The following SFMBT2 variants were observed in gnomAD, a reference collection of about 807,000 sequenced individuals.
The protein encoded by SFMBT2 is scm-like with four MBT domains protein 2.
In SFMBT2, 38 loss-of-function variants were observed where a neutral mutation model predicts 110.1. The observed-to-expected ratio is 0.35, with a 90% CI of 0.27 to 0.45. The LOEUF (loss-of-function observed/expected upper bound fraction) is 0.45. SFMBT2 is among the 20% of genes least tolerant of loss of function. The probability of loss-of-function intolerance (pLI) is 1.00; values close to 1 mark genes in which losing one functional copy is unlikely to be tolerated. For synonymous variants in SFMBT2, 425 were observed against 425.4 expected (o/e 1.00, Z 0.01); for missense variants, 1,011 against 1,094.9 (o/e 0.92, Z 1.08).
Position 7,370,366 on chromosome 10 carries a change from G to A in SFMBT2, c.110C>T (p.Ser37Leu). 1 of 1,614,014 alleles carries A rather than the reference G, an allele frequency of 6.2e-7. No homozygotes were observed. The change falls in exon 3 of 21, where the codon TCA becomes TTA. Residue 37 changes from serine to leucine, a missense_variant. Ser to Leu is a moderately radical substitution (Grantham distance 145). Transcript: ENST00000397167. Reference sequence around the variant, plus strand: ...GTTAAAGCCAGTTTCCTCCAAGCTTGAGCCTTCTTCTGTTGAAAAACAAAA... The same window carrying A: ...GTTAAAGCCAGTTTCCTCCAAGCTTAAGCCTTCTTCTGTTGAAAAACAAAA... ...GNGDLDSEEG[S>L]SLEETGFNWG...
intron 1 of SFMBT2, among the ~76,000 whole-genome samples, chr10:7,389,056 A>G (rs970342211): frequency 2.0e-5 from 3 of 152,210 alleles, no homozygotes; most frequent in African/African-American, 7.2e-5. Flanking sequence ...TATGTTAACA[A>G]AATGCAATCT....
intron 4 of SFMBT2, chr10:7,286,424 T>G (rs1475812188): frequency 2.1e-6 from 2 of 961,794 alleles, no homozygotes; most frequent in East Asian, 2.3e-4. Context: ...AGGGGTGGAC[T>G]GAAGGTGAAA....
At chr10:7,309,022 T>C (rs760188438) in intron 4 of SFMBT2, among the ~76,000 whole-genome samples, 1 of 152,216 alleles carries the variant, frequency 6.6e-6, no homozygotes, top group East Asian at 1.9e-4. Context: ...ATGTGTCAAC[T>C]TGACTGGACC....
At chr10:7,237,174 T>C (rs973497967) in intron 9 of SFMBT2, among the ~76,000 whole-genome samples, 1 of 152,226 alleles carries the variant, frequency 6.6e-6, no homozygotes, top group African/African-American at 2.4e-5. Context: ...ATTCCAGCAA[T>C]TCCACATTTA....
At chr10:7,349,404 T>C (rs1259868269) in intron 4 of SFMBT2, among the ~76,000 whole-genome samples, 4 of 145,596 alleles carry the variant, frequency 2.7e-5, no homozygotes, top group Middle Eastern at 3.3e-3. Flanking sequence ...TTGGATCCTC[T>C]CACTTTCAAG....
intron 7 of SFMBT2, among the ~76,000 whole-genome samples, chr10:7,260,796 G>A (rs907362845): frequency 2.6e-5 from 4 of 152,016 alleles, no homozygotes; most frequent in East Asian, 1.9e-4. Context: ...GAGAGCCCTC[G>A]TCAAAAGCAA....
At chr10:7,195,825 T>C (rs1838749447) in intron 15 of SFMBT2, among the ~76,000 whole-genome samples, 1 of 152,154 alleles carries the variant, frequency 6.6e-6, no homozygotes. Context: ...TCTATTTACA[T>C]ACTCATCTTT....
Position 7,172,593 on chromosome 10 carries a change from G to T in SFMBT2, c.2053C>A (p.His685Asn), listed in dbSNP as rs1564365787. 1.2e-6 allele frequency: 2 copies of T among 1,614,238 alleles called. No homozygotes were observed. The highest frequency in any genetic ancestry group is 1.1e-5 in the South Asian group (1 of 91,088). ...TTCCTCCGCCTGGCGGGTTTGGGGTGTCCGCTGTCGGGGTTGCTTTCCCCG... is the reference window on the plus strand; with the variant it reads ...TTCCTCCGCCTGGCGGGTTTGGGGTTTCCGCTGTCGGGGTTGCTTTCCCCG... The part of the protein sequence containing the change: ...PIGESNPDSG[H>N]PKPARRRKRR... The change falls in exon 18 of 21, where the codon CAC (histidine) becomes AAC (asparagine). Residue 685 changes from histidine to asparagine, a missense_variant. Coordinates refer to ENST00000397167, the MANE Select transcript of SFMBT2 (RefSeq NM_001387889.1). This position sits in a 1 kb window ranked among gnomAD's most constrained non-coding sequence, Gnocchi z 4.6.
At position 7,172,816 on chromosome 10, in the gene SFMBT2, A is replaced by G. The variant is rs562650753; in HGVS notation, c.1985-155T>C. Among the ~76,000 whole-genome samples the G allele has an allele frequency of 6.6e-6, 1 of 152,346 alleles. No individual in the cohort carries two copies. Among genetic ancestry groups the G allele is most frequent in the Admixed American group, 6.5e-5 (1 of 15,310 alleles). On this transcript the variant is annotated intron_variant, in intron 17 of 20. Coordinates refer to ENST00000397167, the MANE Select transcript of SFMBT2 (RefSeq NM_001387889.1). The surrounding 1 kb of genome is among the most constrained non-coding windows in gnomAD (Gnocchi z 4.6). ...GAGAAAACAGACCCACAGGAGAAGC[A>G]CTGCTCCAAAGCTTCAGGTCTGGAA...
intron 12 of SFMBT2, chr10:7,205,604 T>C: frequency 3.0e-6 from 3 of 985,460 alleles, no homozygotes; most frequent in South Asian, 9.4e-5. Flanking sequence ...GACTTTCAAC[T>C]GTCCCTCACT....
At chr10:7,272,920 GT>G (rs1212774249) in intron 7 of SFMBT2, among the ~76,000 whole-genome samples, 1 of 152,232 alleles carries the variant, frequency 6.6e-6, no homozygotes, top group Non-Finnish European at 1.5e-5. Context: ...AGCCTCCTGA[GT>G]AGCTGGGATT....
intron 7 of SFMBT2, among the ~76,000 whole-genome samples, chr10:7,257,591 C>A (rs1841067233): frequency 6.6e-6 from 1 of 152,164 alleles, no homozygotes. Flanking sequence ...GAGAGTATTA[C>A]TAACAGAGAG....
chr10:7,197,565 CG>C lies in SFMBT2; in HGVS notation c.1680del (p.Cys560TrpfsTer11). The C allele has an allele frequency of 6.2e-7, 1 of 1,614,150 alleles. No homozygotes were observed. The highest frequency in any genetic ancestry group is 2.2e-5 in the East Asian group (1 of 44,886). On this transcript the variant is annotated frameshift_variant, in exon 15 of 21. Coordinates refer to ENST00000397167, the MANE Select transcript of SFMBT2 (RefSeq NM_001387889.1). LOFTEE classifies it high-confidence loss of function. ...ELPQSVGPGK[C>X]VLVLKEVLSM... The stretch of plus-strand genomic sequence containing the variant: ...GGCTTTACCTCTTTAAGAACCAGCA[CG>C]CATTTGCCCGGTCCCACCGACTGAG...
chr10:7,193,472 T>C (rs1838668339), intron 15 of SFMBT2, among the ~76,000 whole-genome samples: 2 of 152,192 alleles, frequency 1.3e-5, no homozygotes, highest in South Asian at 4.1e-4. Flanking sequence ...CCCACCATGA[T>C]GTGTGGAGTC....
intron 11 of SFMBT2, chr10:7,206,951 T>A: frequency 1.0e-6 from 1 of 985,218 alleles, no homozygotes; most frequent in Non-Finnish European, 1.2e-6. Flanking sequence ...AGTGGCCGGG[T>A]GTGGTGGCTC....
intron 1 of SFMBT2, among the ~76,000 whole-genome samples, chr10:7,389,034 C>G (rs555586668): frequency 1.3e-5 from 2 of 152,318 alleles, no homozygotes; most frequent in South Asian, 4.1e-4. Context: ...ATCAACAGAA[C>G]GCCGTAGAAA....
rs992300968 is a variant in SFMBT2, at chr10:7,213,725, G to A, written c.1330+6686C>T. Among the ~76,000 whole-genome samples the A allele has an allele frequency of 7.1e-5, 10 of 141,002 alleles. No homozygotes were observed. In the South Asian group the frequency reaches 1.5e-3, roughly 21 times the overall value. 92.5% of individuals were successfully genotyped at this position (141,002 alleles called of 152,430 possible). A position where few individuals can be genotyped will look rare whatever the true frequency, so the allele number is the denominator to read the frequency against. ...CACTCAGATCCGTGTGCGAGGCCAT[G>A]GGCGCGGGCACTCAGATCCGTGTGC... On this transcript the variant is annotated intron_variant, in intron 11 of 20. Transcript: ENST00000397167.
intron 15 of SFMBT2, among the ~76,000 whole-genome samples, chr10:7,191,859 T>TC (rs929970994): frequency 6.6e-6 from 1 of 152,196 alleles, no homozygotes; most frequent in African/African-American, 2.4e-5. Flanking sequence ...ATTCTGTTCA[T>TC]CTAAAAATTA....
At chr10:7,267,374 T>A (rs1433803759) in intron 7 of SFMBT2, among the ~76,000 whole-genome samples, 1 of 152,138 alleles carries the variant, frequency 6.6e-6, no homozygotes, top group African/African-American at 2.4e-5. Flanking sequence ...GATGTGGGGA[T>A]CCCCAACACA....
Sources: gnomAD v4.1 joint callset for allele counts (sites outside exome capture counted in the v4.1 genomes callset) on GRCh38, gnomAD v4.1.1 for gene constraint, Gnocchi (gnomAD v3.1) non-coding constraint, MANE v1.5 for transcripts, NCBI Gene and HGNC (gene_info 2026-07-23, HGNC 2026-07-21) for gene names.